The following IGSF3 variants were observed in gnomAD, a reference collection of about 807,000 sequenced individuals.
IGSF3 encodes glu-Trp-Ile EWI motif-containing protein 3.
A neutral mutation model predicts 114.4 loss-of-function variants in IGSF3; 23 were observed. The ratio of observed to expected loss-of-function variants is 0.20; its 90% CI spans 0.14 to 0.28. IGSF3 has a LOEUF of 0.28. Among genes scored for constraint, IGSF3 ranks in the 10% least tolerant of loss-of-function variants. The pLI is 1.00. For synonymous variants in IGSF3, 571 were observed against 645.2 expected (o/e 0.88, Z 1.74); for missense variants, 1,172 against 1,591.5 (o/e 0.74, Z 4.48).
intron 7 of IGSF3, among the ~76,000 whole-genome samples, chr1:116,590,437 C>T (rs984286778): frequency 6.6e-6 from 1 of 152,082 alleles, no homozygotes; most frequent in Non-Finnish European, 1.5e-5. Context: ...AGAATTGTTC[C>T]ACCTCCACCA....
In IGSF3 at chr1:116,662,527, T is replaced by C. The variant is rs1176557497; in HGVS notation, c.43+3757A>G. Among the ~76,000 whole-genome samples, 1 of 152,220 alleles carries C rather than the reference T, an allele frequency of 6.6e-6. No homozygotes were observed. On this transcript the variant is annotated intron_variant, in intron 2 of 10. Coordinates refer to ENST00000369486, the MANE Select transcript of IGSF3 (RefSeq NM_001007237.3). This position sits in a 1 kb window ranked among gnomAD's most constrained non-coding sequence, Gnocchi z 4.3. The stretch of plus-strand genomic sequence containing the variant: ...AGGAGAGCTGGTATTACTGCCATTA[T>C]GGAAGTACCAGCAGTCTTGCTGCCA...
chr1:116,655,771 G>C lies in IGSF3; in HGVS notation c.43+10513C>G, dbSNP rs1024045162. ...TGTCATCTTAACAGGTTTCAAACAG[G>C]CTTCATTTTAATTTAACATAATTTC... On this transcript the variant is annotated intron_variant, in intron 2 of 10. Transcript: ENST00000369486. This position sits in a 1 kb window ranked among gnomAD's most constrained non-coding sequence, Gnocchi z 4.3. Among the ~76,000 whole-genome samples the C allele has an allele frequency of 3.8e-4, 58 of 152,052 alleles. No homozygotes were observed. Among genetic ancestry groups the C allele is most frequent in the Non-Finnish European group, 4.7e-4 (32 of 68,022 alleles).
rs1201593577 is a variant in IGSF3 at position 116,584,882 on chromosome 1, T to C, written c.2611A>G (p.Ser871Gly). ...CCATAGTGGAAGGTGGCGTCACGGC[T>C]CAAGCGGGCCACAGTCTCCCGCTCA... ...HPERETVARL[S>G]RDATFHYGEQ... is the part of the protein sequence containing the mutation. Residue 871 changes from serine to glycine, a missense_variant, in exon 9 of 11, where the codon AGC becomes GGC. Physicochemically the swap from Ser to Gly is moderately conservative, Grantham distance 56 (BLOSUM62 0). Around this residue, in one of 3 missense-constraint regions of IGSF3, gnomAD observed 423 missense variants for 509.8 expected, o/e 0.83. Coordinates refer to ENST00000369486, the MANE Select transcript of IGSF3 (RefSeq NM_001007237.3). The surrounding 1 kb of genome is among the most constrained non-coding windows in gnomAD (Gnocchi z 5.8). The C allele has an allele frequency of 6.2e-7, 1 of 1,614,224 alleles. No individual in the cohort carries two copies. Among genetic ancestry groups the C allele is most frequent in the Non-Finnish European group, 8.5e-7 (1 of 1,180,038 alleles).
intron 7 of IGSF3, among the ~76,000 whole-genome samples, chr1:116,599,579 G>A (rs1298042272): frequency 2.0e-5 from 3 of 152,192 alleles, no homozygotes; most frequent in Non-Finnish European, 2.9e-5. Flanking sequence ...CTACACTAAC[G>A]TAAAACCCCA....
chr1:116,666,445 C>T lies in IGSF3; in HGVS notation c.-119G>A. On this transcript the variant is annotated 5_prime_UTR_variant, in exon 2 of 11. Coordinates refer to ENST00000369486, the MANE Select transcript of IGSF3 (RefSeq NM_001007237.3). ...ACAGTTTTGGAAATAGAACTTAACT[C>T]GGAAAATGGGAACAGATTAAAAAGA... 1.1e-6 allele frequency: 1 copy of T among 911,338 alleles called. No individual in the cohort carries two copies. Among genetic ancestry groups the T allele is most frequent in the Non-Finnish European group, 1.8e-6 (1 of 552,308 alleles). The allele number at this position is 911,338 out of a possible 1,614,324, so 56.5% of individuals were successfully genotyped here.
In IGSF3 at chr1:116,616,600, G is replaced by T; in HGVS notation, c.44-143C>A. On this transcript the variant is annotated intron_variant, in intron 2 of 10. Transcript: ENST00000369486. This position sits in a 1 kb window ranked among gnomAD's most constrained non-coding sequence, Gnocchi z 6.6. ...TTACTGGCCCTTTCAAAGGCGCTTT[G>T]TGATTTATAAATATTAATTAAAACA... is the stretch of plus-strand genomic sequence containing the variant. The T allele has an allele frequency of 1.6e-6, 1 of 639,602 alleles. No homozygotes were observed. The highest frequency in any genetic ancestry group is 2.6e-6 in the Non-Finnish European group (1 of 381,936). The allele number at this position is 639,602 out of a possible 1,614,324, so 39.6% of individuals were successfully genotyped here. A position where few individuals can be genotyped will look rare whatever the true frequency, so the allele number is the denominator to read the frequency against.
Position 116,579,901 on chromosome 1 carries a change from A to T in IGSF3, c.2849-24T>A. 1 of 1,568,300 alleles carries T rather than the reference A, an allele frequency of 6.4e-7. No individual in the cohort carries two copies. Among genetic ancestry groups the T allele is most frequent in the Non-Finnish European group, 8.6e-7 (1 of 1,161,158 alleles). On this transcript the variant is annotated intron_variant, in intron 9 of 10. Transcript: ENST00000369486. This position sits in a 1 kb window ranked among gnomAD's most constrained non-coding sequence, Gnocchi z 6.4. ...ATCTGGGGAATGACAAGGGACAAAC[A>T]GGGAAGGGGTTGTTTAAATTTATTT...
rs2101379088 is a variant in IGSF3 at position 116,592,428 on chromosome 1, G to A, written c.2030-3324C>T. 6.6e-6 allele frequency among the ~76,000 whole-genome samples: 1 copy of A among 152,370 alleles called. No homozygotes were observed. The highest frequency in any genetic ancestry group is 1.9e-4 in the East Asian group (1 of 5,192). ...CAGCAGCCCCCAGAGGCCAGGCCCT[G>A]CTTTGAGGGAGTGGCCCTTTCTTTC... On this transcript the variant is annotated intron_variant, in intron 7 of 10. Coordinates refer to ENST00000369486, the MANE Select transcript of IGSF3 (RefSeq NM_001007237.3). The surrounding 1 kb of genome is among the most constrained non-coding windows in gnomAD (Gnocchi z 4.5).
chr1:116,613,689 G>A, intron 4 of IGSF3, 76 bp downstream of exon 4: 2 of 1,379,448 alleles, frequency 1.4e-6, no homozygotes, highest in Admixed American at 1.8e-5. Context: ...CAAAGAAGGA[G>A]TCTCCACATT....
At chr1:116,637,313 T>G (rs1647879048) in intron 2 of IGSF3, among the ~76,000 whole-genome samples, 1 of 152,080 alleles carries the variant, frequency 6.6e-6, no homozygotes, top group African/African-American at 2.4e-5. Context: ...ACAACCCCAA[T>G]CTCTTATTTA....
chr1:116,580,384 A>T (rs1352505363), intron 9 of IGSF3, among the ~76,000 whole-genome samples: 1 of 152,220 alleles, frequency 6.6e-6, no homozygotes, highest in Non-Finnish European at 1.5e-5. Context: ...GGTGCTATGA[A>T]CTGAATTGGT....
In IGSF3 at chr1:116,634,297, A is replaced by T. The variant is rs149421233; in HGVS notation, c.44-17840T>A. Among the ~76,000 whole-genome samples, 2,692 of 152,346 alleles carry T rather than the reference A, an allele frequency of 0.018. 83 individuals carry two copies. The highest frequency in any genetic ancestry group is 0.061 in the African/African-American group (2,552 of 41,572). On this transcript the variant is annotated intron_variant, in intron 2 of 10. Coordinates refer to ENST00000369486, the MANE Select transcript of IGSF3 (RefSeq NM_001007237.3). This position sits in a 1 kb window ranked among gnomAD's most constrained non-coding sequence, Gnocchi z 4.2. Reference sequence around the variant, plus strand: ...TCTCCTAATAAAACGCTGTTTAAAAATCTAAGAGGAAAAAAGGGTAGGCTC... The same window carrying T: ...TCTCCTAATAAAACGCTGTTTAAAATTCTAAGAGGAAAAAAGGGTAGGCTC...
rs1386011108 is a variant in IGSF3, at chr1:116,625,463, G to C, written c.44-9006C>G. On this transcript the variant is annotated intron_variant, in intron 2 of 10. Transcript: ENST00000369486. This position sits in a 1 kb window ranked among gnomAD's most constrained non-coding sequence, Gnocchi z 4.7. ...GGTCGTTTTGTCACATGACTGGAGG[G>C]CACATCAGTGCCAGGCGGAAAAGGG... is the stretch of plus-strand genomic sequence containing the variant. 3.3e-5 allele frequency among the ~76,000 whole-genome samples: 5 copies of C among 152,208 alleles called. No individual in the cohort carries two copies. The highest frequency in any genetic ancestry group is 9.7e-5 in the African/African-American group (4 of 41,440).
rs1282807828 is a variant in IGSF3, at chr1:116,654,514, T to G, written c.43+11770A>C. On this transcript the variant is annotated intron_variant, in intron 2 of 10. Coordinates refer to ENST00000369486, the MANE Select transcript of IGSF3 (RefSeq NM_001007237.3). This position sits in a 1 kb window ranked among gnomAD's most constrained non-coding sequence, Gnocchi z 4.4. ...TGCTACAGCAGCTTCTGGGAATTTGTAAGAGCCATACTGATGAGGGTCCCT... is the reference window on the plus strand; with the variant it reads ...TGCTACAGCAGCTTCTGGGAATTTGGAAGAGCCATACTGATGAGGGTCCCT... 1.3e-5 allele frequency among the ~76,000 whole-genome samples: 2 copies of G among 152,154 alleles called. No individual in the cohort carries two copies. Among genetic ancestry groups the G allele is most frequent in the African/African-American group, 4.8e-5 (2 of 41,442 alleles).
intron 2 of IGSF3, among the ~76,000 whole-genome samples, chr1:116,635,389 T>A (rs1324591420): frequency 3.9e-5 from 6 of 152,206 alleles, no homozygotes; most frequent in Non-Finnish European, 8.8e-5. Context: ...TGCCCTTCTC[T>A]CATTTCTTAA....
chr1:116,658,935 C>T (rs532706725), intron 2 of IGSF3, among the ~76,000 whole-genome samples: 1 of 152,278 alleles, frequency 6.6e-6, no homozygotes, highest in East Asian at 1.9e-4. Context: ...GGGTGGTGTT[C>T]GGCAAAGCCT....
chr1:116,635,490 T>C (rs4044774), intron 2 of IGSF3, among the ~76,000 whole-genome samples: 1,577 of 152,268 alleles, frequency 0.01, 16 homozygotes, highest in Middle Eastern at 0.017. Flanking sequence ...AGCCACAGAT[T>C]GTCCACTTTT....
chr1:116,597,317 C>T (rs1007157541), intron 7 of IGSF3, among the ~76,000 whole-genome samples: 1 of 152,214 alleles, frequency 6.6e-6, no homozygotes, highest in Non-Finnish European at 1.5e-5. Context: ...ACTTCTATTT[C>T]CCCAAAATGA....
At chr1:116,659,092 A>G (rs1001791618) in intron 2 of IGSF3, among the ~76,000 whole-genome samples, 1 of 152,216 alleles carries the variant, frequency 6.6e-6, no homozygotes, top group Non-Finnish European at 1.5e-5. Flanking sequence ...GGGTAGAGTT[A>G]ATATGCCTTA....
Sources: allele counts gnomAD v4.1 joint callset (sites outside exome capture counted in the v4.1 genomes callset), GRCh38; gene constraint gnomAD v4.1.1; regional missense constraint gnomAD v4.1.1; non-coding constraint Gnocchi (gnomAD v3.1); transcripts MANE v1.5; gene names NCBI Gene and HGNC (gene_info 2026-07-23, HGNC 2026-07-21).